Variants in PYGM observed in about 807,000 individuals in gnomAD.
The protein encoded by PYGM is glycogen phosphorylase, muscle form.
Under a neutral mutation model 99.3 loss-of-function variants are expected in PYGM, and 81 were observed. The ratio of observed to expected loss-of-function variants is 0.82; its 90% CI spans 0.68 to 0.98. The LOEUF (loss-of-function observed/expected upper bound fraction) is 0.98. PYGM is among the 50% of genes least tolerant of loss of function. PYGM has a pLI of 0.00. For missense variants in PYGM, 1,030 were observed against 1,158.1 expected (o/e 0.89, Z 1.61); for synonymous variants, 436 against 451.5 (o/e 0.97, Z 0.44).
Position 64,754,938 on chromosome 11 carries a change from G to A in PYGM, c.856-102C>T, listed in dbSNP as rs942827256. The A allele has an allele frequency of 4.7e-6, 7 of 1,498,178 alleles. No individual in the cohort carries two copies. Among genetic ancestry groups the A allele is most frequent in the Non-Finnish European group, 6.3e-6 (7 of 1,111,294 alleles). 92.8% of individuals were successfully genotyped at this position (1,498,178 alleles called of 1,614,324 possible). A position where few individuals can be genotyped will look rare whatever the true frequency, so the allele number is the denominator to read the frequency against. Reference sequence around the variant, plus strand: ...GACTCCCACCCATACCGGGACCCCTGAGCCCTGAGCCGGCCCCCTCTCTGG... The same window carrying A: ...GACTCCCACCCATACCGGGACCCCTAAGCCCTGAGCCGGCCCCCTCTCTGG... On this transcript the variant is annotated intron_variant, in intron 7 of 19. Coordinates refer to ENST00000164139, the MANE Select transcript of PYGM (RefSeq NM_005609.4). This position sits in a 1 kb window ranked among gnomAD's most constrained non-coding sequence, Gnocchi z 5.5.
At chr11:64,760,063 C>T, upstream of PYGM, 1 of 1,125,266 alleles carries the variant, frequency 8.9e-7, no homozygotes, top group South Asian at 1.6e-5. Flanking sequence ...GGCCTGGCAG[C>T]TCAGGGAGCT....
At position 64,759,769 on chromosome 11, in the gene PYGM, G is replaced by A. The variant is rs763488434; in HGVS notation, c.130C>T (p.Arg44Cys). ...TAGTCTCGTGGGGTGGCCACATTGC[G>A]GTCCTTTACGAGTGTGAAATGCAGG... ...RHLHFTLVKD[R>C]NVATPRDYYF... is the part of the protein sequence containing the mutation. The change falls in exon 1 of 20, where the codon CGC becomes TGC. Residue 44 changes from arginine (R) to cysteine (C), a missense_variant. Arg to Cys is a radical substitution (Grantham distance 180). Transcript: ENST00000164139. 8.7e-6 allele frequency: 14 copies of A among 1,614,090 alleles called. No individual in the cohort carries two copies. The highest frequency in any genetic ancestry group is 5.0e-5 in the Admixed American group (3 of 60,006).
At chr11:64,751,701 G>A (rs761689010) in intron 14 of PYGM, 46 bp from the exon 15 acceptor site, 2 of 1,606,380 alleles carry the variant, frequency 1.2e-6, no homozygotes, top group East Asian at 2.2e-5. Context: ...TTTCCCTCTG[G>A]GTAGTAGCTC....
intron 5 of PYGM, 111 bp downstream of exon 5, chr11:64,757,668 T>C: frequency 6.7e-7 from 1 of 1,500,090 alleles, no homozygotes; most frequent in Non-Finnish European, 9.1e-7. Context: ...TTAACCTCTC[T>C]GAGCCTCAGC....
In PYGM at chr11:64,755,327, C is replaced by T; in HGVS notation, c.801G>A (p.Val267=). The change falls in exon 7 of 20, where the codon GTG becomes GTA. Residue 267 remains valine, a synonymous_variant. Coordinates refer to ENST00000164139, the MANE Select transcript of PYGM (RefSeq NM_005609.4). This position sits in a 1 kb window ranked among gnomAD's most constrained non-coding sequence, Gnocchi z 4.1. ...TGTTCTCCGCCAGGTTTCGGTCCAA[C>T]ACAGCCTGGATGTAGCCACCGACAT... ...DFNVGGYIQA[V]LDRNLAENIS... 1.2e-6 allele frequency: 2 copies of T among 1,614,180 alleles called. No homozygotes were observed. Among genetic ancestry groups the T allele is most frequent in the East Asian group, 2.2e-5 (1 of 44,882 alleles).
rs1037139837 is a variant in PYGM at position 64,759,954 on chromosome 11, C to T, written c.-56G>A. ...ATGGTAGAGGGGACGGCGGCCTCAG[C>T]ACTGCCTCCAGCCAAGGAGTGGAGC... On this transcript the variant is annotated 5_prime_UTR_variant, in exon 1 of 20. Transcript: ENST00000164139. 6 of 1,601,926 alleles carry T rather than the reference C, an allele frequency of 3.7e-6. No individual in the cohort carries two copies. The highest frequency in any genetic ancestry group is 5.1e-6 in the Non-Finnish European group (6 of 1,173,270).
chr11:64,754,146 C>T lies in PYGM; in HGVS notation c.1092+107G>A, dbSNP rs1336994133. 3.2e-6 allele frequency: 5 copies of T among 1,584,936 alleles called. No homozygotes were observed. Among genetic ancestry groups the T allele is most frequent in the Admixed American group, 1.7e-5 (1 of 59,960 alleles). On this transcript the variant is annotated intron_variant, in intron 9 of 19. Transcript: ENST00000164139. This position sits in a 1 kb window ranked among gnomAD's most constrained non-coding sequence, Gnocchi z 5.5. ...GGTTCCAGGACGGTCCCTCTGGCCT[C>T]AGGCTCTGATCCCTTCACTCCATTC...
At chr11:64,747,395 G>C in intron 17 of PYGM, 37 bp from the exon 18 acceptor site, 7 of 1,613,610 alleles carry the variant, frequency 4.3e-6, no homozygotes, top group Non-Finnish European at 5.9e-6. Flanking sequence ...CCCCGGAAAG[G>C]GGTTCCTGGC....
In PYGM at chr11:64,754,830, C is replaced by T. The variant is rs371208037; in HGVS notation, c.862G>A (p.Glu288Lys). 6 of 1,613,824 alleles carry T rather than the reference C, an allele frequency of 3.7e-6. No homozygotes were observed. The highest frequency in any genetic ancestry group is 4.2e-6 in the Non-Finnish European group (5 of 1,179,990). ...RVLYPNDNFF[E>K]GKELRLKQEY... ...TGCTTCAGCCGCAGCTCCTTCCCTT[C>T]GAAGAACTGGGGACAGCATGAGGCA... is the stretch of plus-strand genomic sequence containing the variant. The change falls in exon 8 of 20, where the codon GAA (glutamate) becomes AAA (lysine). Residue 288 changes from glutamate to lysine, a missense_variant. Physicochemically the swap from Glu to Lys is moderately conservative, Grantham distance 56. Transcript: ENST00000164139. The surrounding 1 kb of genome is among the most constrained non-coding windows in gnomAD (Gnocchi z 5.5).
At chr11:64,752,334 G>C in intron 13 of PYGM, 69 bp downstream of exon 13, 1 of 1,555,942 alleles carries the variant, frequency 6.4e-7, no homozygotes, top group Non-Finnish European at 8.9e-7. Context: ...TGCCACGCCT[G>C]ACCCAGACAT....
chr11:64,759,521 C>T, intron 1 of PYGM, 135 bp downstream of exon 1: 1 of 1,418,716 alleles, frequency 7.0e-7, no homozygotes, highest in Non-Finnish European at 9.6e-7. Flanking sequence ...GTCCCAGCAC[C>T]CCTTGTGCCT....
chr11:64,754,035 G>A lies in PYGM; in HGVS notation c.1093-10C>T, dbSNP rs763253788. ...CTGTCACATCCCACGCCTGGCACAC[G>A]GGGTGGGCAGTCAGGATGCTGACCT... On this transcript the variant is annotated splice_polypyrimidine_tract_variant and intron_variant, in intron 9 of 19. Coordinates refer to ENST00000164139, the MANE Select transcript of PYGM (RefSeq NM_005609.4). This position sits in a 1 kb window ranked among gnomAD's most constrained non-coding sequence, Gnocchi z 5.5. 1.2e-5 allele frequency: 19 copies of A among 1,597,498 alleles called. No individual in the cohort carries two copies. Among genetic ancestry groups the A allele is most frequent in the East Asian group, 4.5e-5 (2 of 44,016 alleles).
rs774602584 is a variant in PYGM at position 64,758,586 on chromosome 11, C to T, written c.345+17G>A. 2.8e-5 allele frequency: 45 copies of T among 1,612,760 alleles called. No homozygotes were observed. Among genetic ancestry groups the T allele is most frequent in the Non-Finnish European group, 3.6e-5 (43 of 1,178,908 alleles). On this transcript the variant is annotated intron_variant, in intron 2 of 19. Coordinates refer to ENST00000164139, the MANE Select transcript of PYGM (RefSeq NM_005609.4). ...GGAATCCCCCAGTCCCCACGGCTTG[C>T]CCCACCCCACACACACCTGGTAGGT... is the stretch of plus-strand genomic sequence containing the variant.
rs1198128007 is a variant in PYGM at position 64,758,266 on chromosome 11, T to C, written c.508A>G (p.Lys170Glu). 1 of 1,613,608 alleles carries C rather than the reference T, an allele frequency of 6.2e-7. No individual in the cohort carries two copies. The highest frequency in any genetic ancestry group is 2.2e-5 in the East Asian group (1 of 44,886). Reference sequence around the variant, plus strand: ...CTCACCTGCCAGCCCCCGGAGATCTTCTGGTTAAAAATCCCAAACTCATAG... The same window carrying C: ...CTCACCTGCCAGCCCCCGGAGATCTCCTGGTTAAAAATCCCAAACTCATAG... Reference protein sequence around the residue: ...IRYEFGIFNQKISGGWQMEEA... With the variant: ...IRYEFGIFNQEISGGWQMEEA... The change falls in exon 4 of 20, where the codon AAG becomes GAG. Residue 170 changes from lysine (K) to glutamate (E), a missense_variant. Lys to Glu is a moderately conservative substitution (Grantham distance 56). Coordinates refer to ENST00000164139, the MANE Select transcript of PYGM (RefSeq NM_005609.4).
chr11:64,756,745 G>A (rs1171970915), intron 5 of PYGM, among the ~76,000 whole-genome samples: 10 of 152,066 alleles, frequency 6.6e-5, no homozygotes, highest in African/African-American at 2.4e-4. Flanking sequence ...AAGTCACCAC[G>A]CCCGGCCTAA....
chr11:64,751,048 C>G (rs2071320), intron 16 of PYGM: 3 of 437,288 alleles, frequency 6.9e-6, no homozygotes, highest in African/African-American at 2.0e-5. Context: ...CCTGCCATCA[C>G]GCCCAGCTAA....
rs2058378129 is a variant in PYGM at position 64,754,102 on chromosome 11, C to A, written c.1093-77G>T. On this transcript the variant is annotated intron_variant, in intron 9 of 19. Coordinates refer to ENST00000164139, the MANE Select transcript of PYGM (RefSeq NM_005609.4). The surrounding 1 kb of genome is among the most constrained non-coding windows in gnomAD (Gnocchi z 5.5). ...CTCACACACTACGCATCCCAGTGGG[C>A]CCCCCCACTGCAGTGCCAGGTTCCA... 3 of 1,590,506 alleles carry A rather than the reference C, an allele frequency of 1.9e-6. No individual in the cohort carries two copies. The highest frequency in any genetic ancestry group is 2.6e-6 in the Non-Finnish European group (3 of 1,162,368).
In PYGM at chr11:64,753,867, C is replaced by T. The variant is rs760471706; in HGVS notation, c.1239+12G>A. The T allele has an allele frequency of 5.5e-5, 86 of 1,563,952 alleles. 1 individual carries two copies. The highest frequency in any genetic ancestry group is 3.2e-5 in the Non-Finnish European group (37 of 1,154,134). On this transcript the variant is annotated intron_variant, in intron 10 of 19. Coordinates refer to ENST00000164139, the MANE Select transcript of PYGM (RefSeq NM_005609.4). Reference sequence around the variant, plus strand: ...CTCACCCCCACACCATCCCCCAAGCCTCCGGACTCACGTTGAGGAAGCGCT... The same window carrying T: ...CTCACCCCCACACCATCCCCCAAGCTTCCGGACTCACGTTGAGGAAGCGCT...
intron 5 of PYGM, among the ~76,000 whole-genome samples, chr11:64,756,744 C>T (rs771452669): frequency 1.3e-5 from 2 of 152,140 alleles, no homozygotes; most frequent in African/African-American, 2.4e-5. Context: ...TAAGTCACCA[C>T]GCCCGGCCTA....
Sources: allele counts gnomAD v4.1 joint callset (sites outside exome capture counted in the v4.1 genomes callset), GRCh38; gene constraint gnomAD v4.1.1; non-coding constraint Gnocchi (gnomAD v3.1); transcripts MANE v1.5; gene names NCBI Gene and HGNC (gene_info 2026-07-23, HGNC 2026-07-21).